Variants in PTPN21 observed in about 807,000 individuals in gnomAD.
The protein encoded by PTPN21 is protein tyrosine phosphatase non-receptor type 21, also known as tyrosine-protein phosphatase non-receptor type 21.
A neutral mutation model predicts 131.8 loss-of-function variants in PTPN21; 77 were observed. The ratio of observed to expected loss-of-function variants is 0.58; its 90% CI spans 0.49 to 0.71. PTPN21 has a LOEUF of 0.71. Among genes scored for constraint, PTPN21 ranks in the 30% least tolerant of loss-of-function variants. The pLI is 0.00. For synonymous variants in PTPN21, 715 were observed against 621.3 expected (o/e 1.15, Z -2.24); for missense variants, 1,552 against 1,527.1 (o/e 1.02, Z -0.27).
chr14:88,485,094 G>T lies in PTPN21; in HGVS notation c.1060C>A (p.Pro354Thr). Residue 354 changes from proline (P) to threonine (T), a missense_variant, in exon 12 of 19, where the codon CCA becomes ACA. Physicochemically the swap from Pro to Thr is conservative, Grantham distance 38. Transcript: ENST00000556564. ...QLHYNGHYTE[P>T]YASSQDNLFV... ...ACTTTACCTTGGGAAGAAGCATATGGTTCTGTATAATGTCCATTATAGTGC... is the reference window on the plus strand; with the variant it reads ...ACTTTACCTTGGGAAGAAGCATATGTTTCTGTATAATGTCCATTATAGTGC... The T allele has an allele frequency of 6.2e-7, 1 of 1,603,606 alleles. No individual in the cohort carries two copies. Among genetic ancestry groups the T allele is most frequent in the Non-Finnish European group, 8.5e-7 (1 of 1,170,540 alleles).
At position 88,548,016 on chromosome 14, in the gene PTPN21, C is replaced by T. The variant is rs892268071; in HGVS notation, c.180+2222G>A. Among the ~76,000 whole-genome samples the T allele has an allele frequency of 2.9e-4, 44 of 152,126 alleles. 1 individual carries two copies. Among genetic ancestry groups the T allele is most frequent in the African/African-American group, 1.0e-3 (42 of 41,420 alleles). ...CCTCCTTGCCCCTAATAGATCTGCA[C>T]TTCCTTTCACATTTCCTCTCTGTTA... is the stretch of plus-strand genomic sequence containing the variant. On this transcript the variant is annotated intron_variant, in intron 2 of 18. Coordinates refer to ENST00000556564, the MANE Select transcript of PTPN21 (RefSeq NM_007039.4).
intron 2 of PTPN21, among the ~76,000 whole-genome samples, chr14:88,539,493 C>G (rs1329327197): frequency 6.6e-6 from 1 of 152,096 alleles, no homozygotes; most frequent in Non-Finnish European, 1.5e-5. Flanking sequence ...GGTGATCCGC[C>G]CACCTTGGCC....
intron 14 of PTPN21, 139 bp downstream of exon 14, chr14:88,473,526 G>A: frequency 1.0e-6 from 1 of 969,650 alleles, no homozygotes; most frequent in East Asian, 2.7e-5. Flanking sequence ...CAATTTTGAG[G>A]CCCATATTAC....
intron 4 of PTPN21, among the ~76,000 whole-genome samples, chr14:88,507,645 ATGTG>A: frequency 6.6e-6 from 1 of 152,192 alleles, no homozygotes; most frequent in South Asian, 2.1e-4. Context: ...GATTGTACAT[ATGTG>A]TGTGTATACA....
At chr14:88,552,841 A>G (rs1177457468) in intron 1 of PTPN21, among the ~76,000 whole-genome samples, 1 of 152,250 alleles carries the variant, frequency 6.6e-6, no homozygotes, top group African/African-American at 2.4e-5. Context: ...TAAGCTTTTA[A>G]CTAGAAAATT....
rs2077427108 is a variant in PTPN21, at chr14:88,469,716, C to T, written c.3018G>A (p.Lys1006=). The T allele has an allele frequency of 1.9e-6, 3 of 1,614,194 alleles. No individual in the cohort carries two copies. The highest frequency in any genetic ancestry group is 2.5e-6 in the Non-Finnish European group (3 of 1,180,040). The change falls in exon 17 of 19, where the codon AAG becomes AAA. Residue 1006 remains lysine (K), a synonymous_variant. Transcript: ENST00000556564. This position sits in a 1 kb window ranked among gnomAD's most constrained non-coding sequence, Gnocchi z 4.3. ...VTAEEEGGRE[K]SFRYWPRLGS... ...CAAGTCGTGGCCAGTACCTAAAGCT[C>T]TTCTCCCTTCCACCCTCCTGTTAAA... is the stretch of plus-strand genomic sequence containing the variant.
chr14:88,538,455 T>G (rs762242473), intron 2 of PTPN21, among the ~76,000 whole-genome samples: 1 of 152,218 alleles, frequency 6.6e-6, no homozygotes, highest in Non-Finnish European at 1.5e-5. Flanking sequence ...AGCTCTGCCC[T>G]AAACACCCTG....
intron 2 of PTPN21, among the ~76,000 whole-genome samples, chr14:88,540,217 T>TA (rs1396262282): frequency 1.3e-5 from 2 of 152,124 alleles, no homozygotes; most frequent in Admixed American, 6.5e-5. Context: ...TAAAGAATAC[T>TA]AAAAAAGAGC....
At position 88,498,284 on chromosome 14, in the gene PTPN21, C is replaced by T. The variant is rs192757149; in HGVS notation, c.765-994G>A. Among the ~76,000 whole-genome samples the T allele has an allele frequency of 4.5e-3, 680 of 149,686 alleles. 3 individuals carry two copies. Among genetic ancestry groups the T allele is most frequent in the Non-Finnish European group, 7.0e-3 (471 of 67,516 alleles). On this transcript the variant is annotated intron_variant, in intron 8 of 18. Transcript: ENST00000556564. ...GAACGAGACTCTGTCTCAAAAAAAA[C>T]CAAAACAGAAAAAAGAAAAAAAAAA...
chr14:88,467,907 A>G lies in PTPN21; in HGVS notation c.*230T>C. 3.3e-6 allele frequency: 2 copies of G among 609,740 alleles called. No homozygotes were observed. Among genetic ancestry groups the G allele is most frequent in the Non-Finnish European group, 2.9e-6 (1 of 346,376 alleles). 37.8% of individuals were successfully genotyped at this position (609,740 alleles called of 1,614,324 possible). On this transcript the variant is annotated 3_prime_UTR_variant, in exon 19 of 19. Transcript: ENST00000556564. ...AAACCGGACAGACCGGGGCAGGGCA[A>G]GGCCCTTGAAACCAAGTCCTCCTTG...
chr14:88,494,077 A>G (rs916556222), intron 10 of PTPN21, among the ~76,000 whole-genome samples: 6 of 152,214 alleles, frequency 3.9e-5, no homozygotes, highest in African/African-American at 1.4e-4. Context: ...TAAGTGCTAT[A>G]AAGAACAAAA....
chr14:88,538,238 C>A (rs1262449036), intron 2 of PTPN21, among the ~76,000 whole-genome samples: 1 of 152,200 alleles, frequency 6.6e-6, no homozygotes, highest in African/African-American at 2.4e-5. Context: ...AGGCAGCCAG[C>A]ACTTCAACGG....
intron 3 of PTPN21, among the ~76,000 whole-genome samples, chr14:88,508,984 T>C (rs1487433365): frequency 6.6e-6 from 1 of 152,150 alleles, no homozygotes; most frequent in Non-Finnish European, 1.5e-5. Flanking sequence ...CAAGTCATAA[T>C]CTGGTGAATT....
At chr14:88,545,014 G>C (rs2078756350) in intron 2 of PTPN21, among the ~76,000 whole-genome samples, 1 of 152,076 alleles carries the variant, frequency 6.6e-6, no homozygotes, top group South Asian at 2.1e-4. Context: ...ATTTTTAGTA[G>C]AGATGGGGTT....
At chr14:88,518,279 C>A (rs1368208050) in intron 2 of PTPN21, among the ~76,000 whole-genome samples, 1 of 86,316 alleles carries the variant, frequency 1.2e-5, no homozygotes, top group African/African-American at 4.7e-5. Context: ...TATATACACA[C>A]ACACATACGC....
chr14:88,470,152 TA>T (rs1265293415), intron 15 of PTPN21, 102 bp from the exon 16 acceptor site: 1 of 1,123,192 alleles, frequency 8.9e-7, no homozygotes, highest in East Asian at 2.5e-5. Flanking sequence ...TTTAAAAAAG[TA>T]AAAAGTAAAA....
chr14:88,516,588 C>T (rs1267504162), intron 3 of PTPN21, among the ~76,000 whole-genome samples: 1 of 151,936 alleles, frequency 6.6e-6, no homozygotes, highest in Non-Finnish European at 1.5e-5. Context: ...TGCTTTTGTC[C>T]CTATTAAGTG....
intron 13 of PTPN21, 84 bp from the exon 14 acceptor site, chr14:88,473,886 AAC>A: frequency 8.0e-7 from 1 of 1,243,338 alleles, no homozygotes; most frequent in Non-Finnish European, 1.1e-6. Context: ...GAAGACCAGG[AAC>A]ACACAGAGGG....
chr14:88,539,839 C>T (rs1007537000), intron 2 of PTPN21, among the ~76,000 whole-genome samples: 2 of 152,140 alleles, frequency 1.3e-5, no homozygotes, highest in South Asian at 2.1e-4. Flanking sequence ...AAACATGCTT[C>T]ATTTTTCTGT....
Sources: gnomAD v4.1 joint callset for allele counts (sites outside exome capture counted in the v4.1 genomes callset) on GRCh38, gnomAD v4.1.1 for gene constraint, Gnocchi (gnomAD v3.1) non-coding constraint, MANE v1.5 for transcripts, NCBI Gene and HGNC (gene_info 2026-07-23, HGNC 2026-07-21) for gene names.